The following DCDC1 variants were observed in gnomAD, a reference collection of about 807,000 sequenced individuals.
DCDC1 encodes the protein doublecortin domain-containing protein 1.
In DCDC1, 200 loss-of-function variants were observed where a neutral mutation model predicts 178.3. The ratio of observed to expected loss-of-function variants is 1.12; its 90% CI spans 1.00 to 1.26. DCDC1 has a LOEUF of 1.26. DCDC1 is among the 50% of genes most tolerant of loss of function. The pLI is 0.00. For missense variants in DCDC1, 1,983 were observed against 1,749.2 expected (o/e 1.13, Z -2.38); for synonymous variants, 690 against 604.8 (o/e 1.14, Z -2.07).
At chr11:31,110,204 G>A (rs371695419) in intron 12 of DCDC1, 56 bp downstream of exon 12, 4 of 664,720 alleles carry the variant, frequency 6.0e-6, no homozygotes, top group Admixed American at 2.3e-5. Context: ...GTCTAAATTA[G>A]TTGCAAGTAA....
At chr11:31,292,081 CAGAT>C (rs1402393429) in intron 6 of DCDC1, among the ~76,000 whole-genome samples, 20 of 152,008 alleles carry the variant, frequency 1.3e-4, no homozygotes, top group African/African-American at 4.8e-4. Context: ...TATACCGTGG[CAGAT>C]AGATAAACAA....
intron 8 of DCDC1, among the ~76,000 whole-genome samples, chr11:31,251,283 TTATG>T (rs1279412559): frequency 1.3e-5 from 2 of 152,214 alleles, no homozygotes; most frequent in Non-Finnish European, 2.9e-5. Flanking sequence ...ATGCCTACTT[TTATG>T]TGCCAACTTG....
At chr11:30,904,805 G>A (rs780624626) in intron 31 of DCDC1, 156 bp downstream of exon 31, 58 of 820,244 alleles carry the variant, frequency 7.1e-5, no homozygotes, top group Non-Finnish European at 1.0e-4. Context: ...CAAATAAAAT[G>A]TCTTTAAGTA....
chr11:31,293,734 C>T (rs1947397464), intron 6 of DCDC1, among the ~76,000 whole-genome samples: 2 of 152,036 alleles, frequency 1.3e-5, no homozygotes, highest in African/African-American at 4.8e-5. Context: ...TATTATTATC[C>T]TTATTTACAG....
At chr11:31,218,053 G>A (rs997781992) in intron 9 of DCDC1, among the ~76,000 whole-genome samples, 2 of 151,706 alleles carry the variant, frequency 1.3e-5, no homozygotes, top group African/African-American at 4.8e-5. Context: ...CCCACTAAGT[G>A]GAGAAAACCT....
intron 9 of DCDC1, among the ~76,000 whole-genome samples, chr11:31,179,318 A>T (rs1425288801): frequency 2.0e-5 from 3 of 152,238 alleles, no homozygotes; most frequent in Non-Finnish European, 1.5e-5. Flanking sequence ...CAGTGATCCC[A>T]TTATTGGATA....
chr11:31,302,803 A>AT (rs1005293389), intron 6 of DCDC1, among the ~76,000 whole-genome samples: 8 of 152,144 alleles, frequency 5.3e-5, no homozygotes, highest in South Asian at 2.1e-4. Flanking sequence ...GTTCTATAGG[A>AT]TTTTTTCTGT....
chr11:31,272,092 G>A (rs968037797), intron 7 of DCDC1, among the ~76,000 whole-genome samples: 1 of 151,814 alleles, frequency 6.6e-6, no homozygotes, highest in African/African-American at 2.4e-5. Flanking sequence ...AACCCAGCAG[G>A]CGGAGGCTGC....
chr11:31,333,668 G>C (rs1263154403), intron 2 of DCDC1, among the ~76,000 whole-genome samples: 1 of 152,088 alleles, frequency 6.6e-6, no homozygotes, highest in Non-Finnish European at 1.5e-5. Flanking sequence ...GAAATTCTGG[G>C]TTAAAAATTC....
chr11:31,086,192 C>T (rs554462287), intron 17 of DCDC1, among the ~76,000 whole-genome samples: 1 of 152,276 alleles, frequency 6.6e-6, no homozygotes, highest in East Asian at 1.9e-4. Flanking sequence ...AGTAACTAAA[C>T]CACTTTATAT....
At chr11:31,206,159 G>T (rs1295694916) in intron 9 of DCDC1, among the ~76,000 whole-genome samples, 1 of 152,124 alleles carries the variant, frequency 6.6e-6, no homozygotes, top group Non-Finnish European at 1.5e-5. Context: ...GTGAAAAGTT[G>T]ATATGAAAAT....
At chr11:31,160,528 G>C (rs995555924) in intron 9 of DCDC1, among the ~76,000 whole-genome samples, 1 of 151,810 alleles carries the variant, frequency 6.6e-6, no homozygotes, top group East Asian at 1.9e-4. Flanking sequence ...TCATCCCTTT[G>C]CATTAAAAAA....
chr11:30,907,543 T>G (rs920625244), intron 29 of DCDC1, among the ~76,000 whole-genome samples: 1 of 152,122 alleles, frequency 6.6e-6, no homozygotes, highest in Non-Finnish European at 1.5e-5. Context: ...CATCAGAGCT[T>G]ATTCTCTTTT....
Position 30,899,522 on chromosome 11 carries a change from T to A in DCDC1, c.4765+19A>T, listed in dbSNP as rs1944499354. On this transcript the variant is annotated intron_variant, in intron 34 of 38. Coordinates refer to ENST00000684477, the MANE Select transcript of DCDC1 (RefSeq NM_001387274.1). ...ATTTTGAATTAAATATGGTTATGCT[T>A]GATATAGTTCATACTGACCTTTTAA... 2.8e-6 allele frequency: 4 copies of A among 1,449,820 alleles called. 1 individual carries two copies. In the Admixed American group the frequency reaches 1.1e-4, roughly 38 times the overall value. The allele number at this position is 1,449,820 out of a possible 1,614,324, so 89.8% of individuals were successfully genotyped here.
chr11:31,116,787 C>T (rs1960029748), intron 11 of DCDC1, among the ~76,000 whole-genome samples: 1 of 151,952 alleles, frequency 6.6e-6, no homozygotes, highest in Non-Finnish European at 1.5e-5. Flanking sequence ...TAAATTTTGT[C>T]CCAGGAAATG....
intron 20 of DCDC1, among the ~76,000 whole-genome samples, chr11:31,032,594 A>G (rs752402257): frequency 5.3e-5 from 8 of 152,122 alleles, no homozygotes; most frequent in Non-Finnish European, 1.0e-4. Context: ...CTAATGAGAC[A>G]GTGTAAATGA....
intron 20 of DCDC1, among the ~76,000 whole-genome samples, chr11:31,061,528 G>T (rs1167198577): frequency 6.6e-6 from 1 of 151,902 alleles, no homozygotes; most frequent in Non-Finnish European, 1.5e-5. Context: ...GAGGCAGAGG[G>T]GGAAGAATGT....
intron 7 of DCDC1, among the ~76,000 whole-genome samples, chr11:31,285,129 T>C (rs1214605549): frequency 6.6e-6 from 1 of 152,014 alleles, no homozygotes; most frequent in African/African-American, 2.4e-5. Flanking sequence ...ACTTATAATA[T>C]TCTAAAATAA....
intron 20 of DCDC1, among the ~76,000 whole-genome samples, chr11:31,029,245 T>C (rs1467413193): frequency 6.6e-6 from 1 of 152,070 alleles, no homozygotes; most frequent in Non-Finnish European, 1.5e-5. Flanking sequence ...ACATATTTTA[T>C]AATTCCTGAA....
Sources: gnomAD v4.1 joint callset for allele counts (sites outside exome capture counted in the v4.1 genomes callset) on GRCh38, gnomAD v4.1.1 for gene constraint, MANE v1.5 for transcripts, NCBI Gene and HGNC (gene_info 2026-07-23, HGNC 2026-07-21) for gene names.